The following NSUN6 variants were observed in gnomAD, a reference collection of about 807,000 sequenced individuals.
NSUN6 encodes the protein NOP2/Sun RNA methyltransferase 6.
NSUN6 carries 64 observed loss-of-function variants against 58.0 expected under a neutral mutation model. The ratio of observed to expected loss-of-function variants is 1.10; its 90% CI spans 0.90 to 1.36. NSUN6 has a LOEUF of 1.36. Among genes scored for constraint, NSUN6 ranks in the 40% most tolerant of loss-of-function variants. The pLI is 0.00. For missense variants in NSUN6, 701 were observed against 550.1 expected (o/e 1.27, Z -2.74); for synonymous variants, 231 against 193.9 (o/e 1.19, Z -1.59).
chr10:18,579,226 G>T (rs2056797619), intron 8 of NSUN6, among the ~76,000 whole-genome samples: 2 of 152,088 alleles, frequency 1.3e-5, no homozygotes, highest in African/African-American at 4.8e-5. Context: ...AGGCTGGAGT[G>T]CAGTGGAGCG....
intron 6 of NSUN6, among the ~76,000 whole-genome samples, chr10:18,598,655 G>A (rs1190435874): frequency 4.6e-5 from 7 of 152,154 alleles, no homozygotes; most frequent in Non-Finnish European, 7.4e-5. Context: ...GTATTTTTTT[G>A]TAGAGACAGG....
chr10:18,558,006 A>G (rs914656989), intron 8 of NSUN6, among the ~76,000 whole-genome samples: 2 of 150,754 alleles, frequency 1.3e-5, no homozygotes, highest in African/African-American at 4.9e-5. Context: ...TGGGATGGAC[A>G]TGAATGGAGA....
At chr10:18,635,556 G>C (rs1343840709) in intron 3 of NSUN6, among the ~76,000 whole-genome samples, 1 of 152,126 alleles carries the variant, frequency 6.6e-6, no homozygotes, top group Non-Finnish European at 1.5e-5. Flanking sequence ...GAGGAAATAG[G>C]CTGAGTGTGG....
chr10:18,637,227 T>A (rs1173906386), intron 3 of NSUN6, among the ~76,000 whole-genome samples: 1 of 152,086 alleles, frequency 6.6e-6, no homozygotes, highest in Non-Finnish European at 1.5e-5. Context: ...CCTCCCAAAG[T>A]GCTGGGATTA....
chr10:18,599,572 G>C (rs1194683192), intron 6 of NSUN6, among the ~76,000 whole-genome samples: 1 of 151,980 alleles, frequency 6.6e-6, no homozygotes, highest in East Asian at 1.9e-4. Context: ...GATTCTAGTG[G>C]GCATGGAGCC....
intron 8 of NSUN6, among the ~76,000 whole-genome samples, chr10:18,555,906 A>AGAAGGGAATG (rs2054974548): frequency 7.1e-6 from 1 of 140,502 alleles, no homozygotes; most frequent in Admixed American, 7.2e-5. Context: ...AATGGAATGG[A>AGAAGGGAATG]GAATGGAATG....
At chr10:18,585,505 A>G (rs2057090856) in intron 8 of NSUN6, among the ~76,000 whole-genome samples, 1 of 152,258 alleles carries the variant, frequency 6.6e-6, no homozygotes, top group Non-Finnish European at 1.5e-5. Context: ...TTGCAACAAA[A>G]TAGATGAACC....
upstream of NSUN6, among the ~76,000 whole-genome samples, chr10:18,654,250 C>CTGTA (rs879773064): frequency 7.7e-3 from 1,177 of 152,292 alleles, 6 homozygotes; most frequent in Admixed American, 0.012. Context: ...TGCCTGCCAC[C>CTGTA]ATGCCCAGCT....
At position 18,614,442 on chromosome 10, in the gene NSUN6, A is replaced by C. The variant is rs750390853; in HGVS notation, c.575+18T>G. On this transcript the variant is annotated intron_variant, in intron 5 of 10. Coordinates refer to ENST00000377304, the MANE Select transcript of NSUN6 (RefSeq NM_182543.5). ...CACAAAAAGGATGCTGATTTCCCCAAAGCACCTGATGACATACTTCAGTTC... is the reference window on the plus strand; with the variant it reads ...CACAAAAAGGATGCTGATTTCCCCACAGCACCTGATGACATACTTCAGTTC... The C allele has an allele frequency of 9.6e-5, 136 of 1,419,072 alleles. No individual in the cohort carries two copies. The highest frequency in any genetic ancestry group is 1.2e-4 in the Non-Finnish European group (124 of 1,070,862). 87.9% of individuals were successfully genotyped at this position (1,419,072 alleles called of 1,614,324 possible).
chr10:18,650,866 T>C (rs112578895), intron 1 of NSUN6, among the ~76,000 whole-genome samples: 16 of 152,368 alleles, frequency 1.1e-4, no homozygotes, highest in African/African-American at 3.4e-4. Flanking sequence ...TTCATCCTTG[T>C]AACCCTTTGT....
At chr10:18,634,613 T>A (rs2059150464) in intron 3 of NSUN6, among the ~76,000 whole-genome samples, 3 of 142,268 alleles carry the variant, frequency 2.1e-5, no homozygotes, top group Non-Finnish European at 3.1e-5. Flanking sequence ...AAAAAAAAAA[T>A]TAGCTGGTCT....
At chr10:18,559,037 G>A (rs1465221997) in intron 8 of NSUN6, among the ~76,000 whole-genome samples, 2 of 150,820 alleles carry the variant, frequency 1.3e-5, no homozygotes, top group African/African-American at 4.9e-5. Context: ...ATAGAATGGA[G>A]TGAAGAATGG....
intron 6 of NSUN6, 41 bp downstream of exon 6, chr10:18,609,804 G>A: frequency 1.9e-6 from 2 of 1,062,414 alleles, no homozygotes; most frequent in South Asian, 1.3e-5. Flanking sequence ...ACTGATGTAT[G>A]TTTCAATGTC....
chr10:18,611,776 G>T (rs1274026392), intron 5 of NSUN6, among the ~76,000 whole-genome samples: 1 of 151,774 alleles, frequency 6.6e-6, no homozygotes, highest in African/African-American at 2.4e-5. Context: ...TCACTATGTT[G>T]CCCAGACTGG....
At chr10:18,595,787 T>C (rs1349763587) in intron 7 of NSUN6, among the ~76,000 whole-genome samples, 1 of 152,180 alleles carries the variant, frequency 6.6e-6, no homozygotes, top group Non-Finnish European at 1.5e-5. Context: ...ATATTCTATA[T>C]GTATGTGTAT....
At chr10:18,630,025 G>A (rs1299503502) in intron 3 of NSUN6, among the ~76,000 whole-genome samples, 1 of 149,256 alleles carries the variant, frequency 6.7e-6, no homozygotes, top group Non-Finnish European at 1.5e-5. Context: ...CTCAGCAAAT[G>A]TAAAAGAACA....
chr10:18,609,206 G>A lies in NSUN6; in HGVS notation c.657+639C>T, dbSNP rs766240248. Among the ~76,000 whole-genome samples, 8 of 152,242 alleles carry A rather than the reference G, an allele frequency of 5.3e-5. No homozygotes were observed. In the South Asian group the frequency reaches 8.3e-4, roughly 16 times the overall value. On this transcript the variant is annotated intron_variant, in intron 6 of 10. Transcript: ENST00000377304. ...CACACCTGTGGTCCCAACTATTTGC[G>A]AGGCTAAGGCAGGAAGATCGCTTGA...
chr10:18,625,869 G>C lies in NSUN6; in HGVS notation c.312-9576C>G, dbSNP rs1590115772. Among the ~76,000 whole-genome samples the C allele has an allele frequency of 2.6e-5, 4 of 151,706 alleles. No homozygotes were observed. In the South Asian group the frequency reaches 8.3e-4, roughly 32 times the overall value. ...AGACAACGTACTGTTAAAAGGAAAA[G>C]TTTTTGGTGGGCCTTAGATTTCTTC... is the stretch of plus-strand genomic sequence containing the variant. On this transcript the variant is annotated intron_variant, in intron 3 of 10. Transcript: ENST00000377304.
Position 18,642,564 on chromosome 10 carries a change from G to C in NSUN6, c.232-9C>G. ...CTTAATCCATTAAACTGCTGTTAAA[G>C]ATAAACATGATTATAAAGTAATCCA... On this transcript the variant is annotated splice_polypyrimidine_tract_variant and intron_variant, in intron 2 of 10. Coordinates refer to ENST00000377304, the MANE Select transcript of NSUN6 (RefSeq NM_182543.5). 1 of 1,316,030 alleles carries C rather than the reference G, an allele frequency of 7.6e-7. No individual in the cohort carries two copies. Among genetic ancestry groups the C allele is most frequent in the Non-Finnish European group, 1.1e-6 (1 of 913,230 alleles). The allele number at this position is 1,316,030 out of a possible 1,614,324, so 81.5% of individuals were successfully genotyped here.
Sources: allele counts gnomAD v4.1 joint callset (sites outside exome capture counted in the v4.1 genomes callset), GRCh38; gene constraint gnomAD v4.1.1; transcripts MANE v1.5; gene names NCBI Gene and HGNC (gene_info 2026-07-23, HGNC 2026-07-21).